RHOH: variants seen among roughly 807,000 people sequenced by gnomAD.
RHOH encodes the protein ras homolog family member H.
Under a neutral mutation model 13.8 loss-of-function variants are expected in RHOH, and 6 were observed. That is an observed-to-expected ratio of 0.44 (90% confidence interval 0.24 to 0.86). RHOH has a LOEUF of 0.86. RHOH is among the 40% of genes least tolerant of loss of function. The probability of loss-of-function intolerance (pLI) is 0.24; values close to 1 mark genes in which losing one functional copy is unlikely to be tolerated. For missense variants in RHOH, 147 were observed against 244.5 expected (o/e 0.60, Z 2.66); for synonymous variants, 117 against 103.0 (o/e 1.14, Z -0.82).
chr4:40,203,115 G>A (rs1724219157), intron 1 of RHOH, among the ~76,000 whole-genome samples: 1 of 152,096 alleles, frequency 6.6e-6, no homozygotes, highest in East Asian at 1.9e-4. Flanking sequence ...GGGAATACAG[G>A]TGCCCGCCAC....
intron 1 of RHOH, among the ~76,000 whole-genome samples, chr4:40,236,378 C>T (rs1359153050): frequency 6.6e-6 from 1 of 152,174 alleles, no homozygotes; most frequent in Admixed American, 6.5e-5. Flanking sequence ...GTGCAAAGTA[C>T]TCAGTATAGT....
rs182895338 is a variant in RHOH at position 40,218,936 on chromosome 4, T to G, written c.-331+21636T>G. Among the ~76,000 whole-genome samples the G allele has an allele frequency of 1.8e-3, 268 of 152,288 alleles. 3 individuals carry two copies. The highest frequency in any genetic ancestry group is 3.4e-3 in the Non-Finnish European group (231 of 68,028). ...CACCACATTGACTCTTCATTTATAT[T>G]TAATATTATATTTGTATTTTAAGAT... is the stretch of plus-strand genomic sequence containing the variant. On this transcript the variant is annotated intron_variant, in intron 1 of 2. Coordinates refer to ENST00000381799, the MANE Select transcript of RHOH (RefSeq NM_004310.5). The surrounding 1 kb of genome is among the most constrained non-coding windows in gnomAD (Gnocchi z 4.1).
upstream of RHOH, among the ~76,000 whole-genome samples, chr4:40,195,630 G>A (rs1723064859): frequency 1.3e-5 from 2 of 151,928 alleles, no homozygotes; most frequent in South Asian, 2.1e-4. Flanking sequence ...AATTTTTGTA[G>A]AGATGGGATC....
intron 1 of RHOH, among the ~76,000 whole-genome samples, chr4:40,237,574 G>A (rs60416946): frequency 0.012 from 1,829 of 152,298 alleles, 42 homozygotes; most frequent in African/African-American, 0.042. Context: ...GCTATGAAGG[G>A]GCTATTGAAG....
At chr4:40,221,763 A>G (rs754853663) in intron 1 of RHOH, among the ~76,000 whole-genome samples, 1 of 152,328 alleles carries the variant, frequency 6.6e-6, no homozygotes, top group East Asian at 1.9e-4. Context: ...AGGAAGAGTC[A>G]TGTGTCTCTC....
chr4:40,192,721 G>T (rs756828948), upstream of RHOH, among the ~76,000 whole-genome samples: 17 of 152,206 alleles, frequency 1.1e-4, no homozygotes, highest in Non-Finnish European at 2.1e-4. Context: ...TTGACCTGAA[G>T]GGGACCGTTT....
chr4:40,195,228 C>G (rs1326404724), upstream of RHOH, among the ~76,000 whole-genome samples: 1 of 152,234 alleles, frequency 6.6e-6, no homozygotes, highest in African/African-American at 2.4e-5. Flanking sequence ...GCTCTAAATC[C>G]TTTGATGAAC....
chr4:40,209,705 GT>G (rs1299103204), intron 1 of RHOH: 1 of 152,236 alleles, frequency 6.6e-6, no homozygotes, highest in African/African-American at 2.4e-5. Flanking sequence ...GCCTCCCAAA[GT>G]GCTGGGATTA....
intron 1 of RHOH, among the ~76,000 whole-genome samples, chr4:40,241,708 G>A (rs1397775662): frequency 6.6e-6 from 1 of 152,038 alleles, no homozygotes; most frequent in Non-Finnish European, 1.5e-5. Context: ...GGGCAACATA[G>A]TGAGACTGTG....
intron 1 of RHOH, among the ~76,000 whole-genome samples, chr4:40,219,450 C>T (rs1043159637): frequency 4.6e-5 from 7 of 150,696 alleles, no homozygotes; most frequent in African/African-American, 1.7e-4. Context: ...TAATTATACA[C>T]ATACATTCAT....
In RHOH at chr4:40,231,187, A is replaced by T. The variant is rs114425943; in HGVS notation, c.-330-11527A>T. ...GGCCATTTTGAAACCTGCCATTTTG[A>T]AACCTGCTTTCCACCCATTTAGCTT... On this transcript the variant is annotated intron_variant, in intron 1 of 2. Coordinates refer to ENST00000381799, the MANE Select transcript of RHOH (RefSeq NM_004310.5). Among the ~76,000 whole-genome samples the T allele has an allele frequency of 8.7e-3, 1,322 of 152,194 alleles. 20 individuals carry two copies. The highest frequency in any genetic ancestry group is 0.029 in the African/African-American group (1,219 of 41,526).
chr4:40,224,492 C>G (rs993581367), intron 1 of RHOH, among the ~76,000 whole-genome samples: 4 of 152,236 alleles, frequency 2.6e-5, no homozygotes, highest in Non-Finnish European at 5.9e-5. Context: ...TGGAGTGGTG[C>G]AAGGGGTCCC....
intron 1 of RHOH, among the ~76,000 whole-genome samples, chr4:40,223,034 C>A (rs1016360091): frequency 3.3e-5 from 5 of 152,098 alleles, no homozygotes; most frequent in African/African-American, 7.2e-5. Context: ...GAAGAGGAGG[C>A]TGAAGGTGGG....
intron 1 of RHOH, among the ~76,000 whole-genome samples, chr4:40,203,268 G>C (rs973490925): frequency 6.6e-6 from 1 of 152,162 alleles, no homozygotes; most frequent in Non-Finnish European, 1.5e-5. Context: ...CACCGCGCCC[G>C]GCCAGTTCTC....
chr4:40,229,307 C>G (rs1403780968), intron 1 of RHOH, among the ~76,000 whole-genome samples: 1 of 152,120 alleles, frequency 6.6e-6, no homozygotes, highest in Non-Finnish European at 1.5e-5. Flanking sequence ...TGATGCTTTT[C>G]TGCATTTTCT....
intron 1 of RHOH, among the ~76,000 whole-genome samples, chr4:40,232,280 A>G (rs1454457458): frequency 6.6e-6 from 1 of 152,116 alleles, no homozygotes; most frequent in Admixed American, 6.6e-5. Flanking sequence ...GCTGGAGTGC[A>G]GTGGTGTGAT....
At chr4:40,212,683 A>C (rs1285085650) in intron 1 of RHOH, 1 of 152,256 alleles carries the variant, frequency 6.6e-6, no homozygotes, top group Non-Finnish European at 1.5e-5. Context: ...CATTTCAACA[A>C]AGTACCAAAC....
At chr4:40,213,216 C>CG (rs2109411490) in intron 1 of RHOH, among the ~76,000 whole-genome samples, 1 of 151,884 alleles carries the variant, frequency 6.6e-6, no homozygotes, top group East Asian at 1.9e-4. Flanking sequence ...ATGTGAACAA[C>CG]GGTGCAAAAA....
At chr4:40,214,035 G>A (rs1029541533) in intron 1 of RHOH, among the ~76,000 whole-genome samples, 1 of 152,158 alleles carries the variant, frequency 6.6e-6, no homozygotes, top group African/African-American at 2.4e-5. Flanking sequence ...GGGATTACAG[G>A]TGTGAGCCAC....
Sources: gnomAD v4.1 joint callset for allele counts (sites outside exome capture counted in the v4.1 genomes callset) on GRCh38, gnomAD v4.1.1 for gene constraint, Gnocchi (gnomAD v3.1) non-coding constraint, MANE v1.5 for transcripts, NCBI Gene and HGNC (gene_info 2026-07-23, HGNC 2026-07-21) for gene names.